Variants in MBP observed in about 807,000 individuals in gnomAD.
MBP encodes Golli-MBP.
Under a neutral mutation model 35.8 loss-of-function variants are expected in MBP, and 16 were observed. The observed-to-expected ratio is 0.45, with a 90% CI of 0.30 to 0.68. The LOEUF (loss-of-function observed/expected upper bound fraction) is 0.68. Among genes scored for constraint, MBP ranks in the 30% least tolerant of loss-of-function variants. The probability of loss-of-function intolerance (pLI) is 0.08; values close to 1 mark genes in which losing one functional copy is unlikely to be tolerated. For synonymous variants in MBP, 143 were observed against 159.6 expected (o/e 0.90, Z 0.78); for missense variants, 380 against 404.7 (o/e 0.94, Z 0.52).
In MBP at chr18:77,029,044, G is replaced by A. The variant is rs1234931191; in HGVS notation, c.140-11776C>T. On this transcript the variant is annotated intron_variant, in intron 3 of 8. Coordinates refer to ENST00000355994, the MANE Select transcript of MBP (RefSeq NM_001025101.2). ...CAGAGGCTGCAATCTCGGCACTTTG[G>A]GAGGCCAAGGCAGGCGGCTGGGAGG... is the stretch of plus-strand genomic sequence containing the variant. 5.6e-5 allele frequency among the ~76,000 whole-genome samples: 6 copies of A among 106,448 alleles called. 2 individuals carry two copies. Among genetic ancestry groups the A allele is most frequent in the African/African-American group, 1.6e-4 (6 of 37,104 alleles). The allele number at this position is 106,448 out of a possible 152,430, so 69.8% of individuals were successfully genotyped here.
chr18:77,010,822 T>C (rs765799643), intron 4 of MBP, among the ~76,000 whole-genome samples: 3 of 152,194 alleles, frequency 2.0e-5, no homozygotes, highest in Non-Finnish European at 4.4e-5. Flanking sequence ...AAGACTATTA[T>C]TATAGGACCA....
At chr18:77,085,683 GT>G (rs10645727) in intron 2 of MBP, among the ~76,000 whole-genome samples, 20,548 of 123,892 alleles carry the variant, frequency 0.17, 1,166 homozygotes, top group Middle Eastern at 0.25. Flanking sequence ...AGTGCAATAA[GT>G]TTTTTTTTTT....
At chr18:77,047,748 T>C (rs775017964) in intron 3 of MBP, among the ~76,000 whole-genome samples, 10 of 152,224 alleles carry the variant, frequency 6.6e-5, no homozygotes, top group Non-Finnish European at 1.2e-4. Flanking sequence ...CATCAGAAGA[T>C]AAAGATGGTA....
chr18:77,025,916 G>A lies in MBP; in HGVS notation c.140-8648C>T, dbSNP rs374263910. 1.3e-4 allele frequency among the ~76,000 whole-genome samples: 20 copies of A among 152,222 alleles called. No individual in the cohort carries two copies. The East Asian group carries it at 3.7e-3, about 28-fold the overall frequency. On this transcript the variant is annotated intron_variant, in intron 3 of 8. Transcript: ENST00000355994. ...CCTTTCTGGCACACGCAGGGGAGCAGTGGGCAGCGGGTTACTCCCTCTCCG... is the reference window on the plus strand; with the variant it reads ...CCTTTCTGGCACACGCAGGGGAGCAATGGGCAGCGGGTTACTCCCTCTCCG...
chr18:77,071,807 G>A (rs1369055055), intron 2 of MBP, among the ~76,000 whole-genome samples: 1 of 152,190 alleles, frequency 6.6e-6, no homozygotes, highest in Non-Finnish European at 1.5e-5. Flanking sequence ...CAGAATGTCA[G>A]ATGGCGACTG....
intron 3 of MBP, among the ~76,000 whole-genome samples, chr18:77,041,926 A>G (rs1298397822): frequency 7.9e-6 from 1 of 126,076 alleles, no homozygotes; most frequent in Non-Finnish European, 1.7e-5. Flanking sequence ...CTTAAAGTAT[A>G]ATTAAAAAAA....
chr18:77,133,311 G>C (rs2145294667), upstream of MBP, among the ~76,000 whole-genome samples: 1 of 152,260 alleles, frequency 6.6e-6, no homozygotes, highest in Middle Eastern at 3.4e-3. Context: ...CCGGCTGGCA[G>C]GTGCTCCTCT....
In MBP at chr18:77,028,643, C is replaced by A. The variant is rs1212576451; in HGVS notation, c.140-11375G>T. Among the ~76,000 whole-genome samples the A allele has an allele frequency of 4.0e-5, 3 of 74,492 alleles. 1 individual carries two copies. The highest frequency in any genetic ancestry group is 1.2e-4 in the African/African-American group (3 of 24,892). The allele number at this position is 74,492 out of a possible 152,430, so 48.9% of individuals were successfully genotyped here. On this transcript the variant is annotated intron_variant, in intron 3 of 8. Transcript: ENST00000355994. Reference sequence around the variant, plus strand: ...GGCTGACCCCCCCCCACCTCCCTCCCGGACGGGGCAGCTGGCTGGGCAGAG... The same window carrying A: ...GGCTGACCCCCCCCCACCTCCCTCCAGGACGGGGCAGCTGGCTGGGCAGAG...
intron 1 of MBP, among the ~76,000 whole-genome samples, chr18:77,106,817 G>T (rs1038060817): frequency 2.0e-5 from 3 of 152,154 alleles, no homozygotes; most frequent in Non-Finnish European, 2.9e-5. Flanking sequence ...GATGATTTCG[G>T]TGTCCAGTGT....
At chr18:77,076,403 G>C (rs1276370594) in intron 2 of MBP, among the ~76,000 whole-genome samples, 1 of 152,228 alleles carries the variant, frequency 6.6e-6, no homozygotes, top group Non-Finnish European at 1.5e-5. Context: ...AGCCCAGTAG[G>C]GCAGTTTTTC....
intron 1 of MBP, among the ~76,000 whole-genome samples, chr18:77,125,217 C>T (rs372584152): frequency 1.9e-4 from 29 of 152,302 alleles, no homozygotes; most frequent in African/African-American, 7.0e-4. Context: ...CTTTCAGATT[C>T]CTTTGTGGGG....
At chr18:76,998,603 G>C (rs1244638798) in intron 4 of MBP, among the ~76,000 whole-genome samples, 2 of 152,204 alleles carry the variant, frequency 1.3e-5, no homozygotes, top group Non-Finnish European at 2.9e-5. Flanking sequence ...TGAAGCTGCC[G>C]AGGTTCCCTT....
chr18:77,090,216 A>G (rs542399373), intron 2 of MBP, among the ~76,000 whole-genome samples: 1 of 152,320 alleles, frequency 6.6e-6, no homozygotes, highest in Admixed American at 6.5e-5. Flanking sequence ...GGTTGAGACA[A>G]ACGTGCTTTC....
At chr18:76,986,869 C>T (rs1969586870) in intron 7 of MBP, 2 of 985,394 alleles carry the variant, frequency 2.0e-6, no homozygotes, top group African/African-American at 1.7e-5. Context: ...CTTTCCAATC[C>T]TTAGTCATGT....
intron 3 of MBP, among the ~76,000 whole-genome samples, chr18:77,057,044 G>A (rs569428784): frequency 3.4e-4 from 50 of 147,398 alleles, no homozygotes; most frequent in African/African-American, 1.2e-3. Flanking sequence ...AAGGAGGCAT[G>A]TCCCCCAAGA....
At chr18:77,069,348 C>T (rs1974336459) in intron 2 of MBP, among the ~76,000 whole-genome samples, 1 of 152,200 alleles carries the variant, frequency 6.6e-6, no homozygotes, top group Non-Finnish European at 1.5e-5. Context: ...GCTAGGAATT[C>T]ATGTCATATT....
intron 3 of MBP, among the ~76,000 whole-genome samples, chr18:77,062,793 G>A (rs558144020): frequency 6.6e-6 from 1 of 152,292 alleles, no homozygotes; most frequent in East Asian, 1.9e-4. Flanking sequence ...TTCTCAATGC[G>A]CCAATCAGTC....
intron 1 of MBP, among the ~76,000 whole-genome samples, chr18:77,106,341 C>T (rs1043877606): frequency 3.3e-5 from 5 of 152,164 alleles, no homozygotes; most frequent in Admixed American, 6.5e-5. Flanking sequence ...TTACCGGGGT[C>T]CCTTTTTGGT....
upstream of MBP, among the ~76,000 whole-genome samples, chr18:77,133,082 CCTCCGAACCCACCCCGACCCCGACCTCGA>C (rs981973951): frequency 1.3e-4 from 20 of 152,092 alleles, no homozygotes; most frequent in Non-Finnish European, 2.9e-5. Context: ...GGAGGCTTGG[CCTCCGAACCCACCCCGACCCCGACCTCGA>C]CCTCGCGGGA....
Sources: allele counts gnomAD v4.1 joint callset (sites outside exome capture counted in the v4.1 genomes callset), GRCh38; gene constraint gnomAD v4.1.1; transcripts MANE v1.5; gene names NCBI Gene and HGNC (gene_info 2026-07-23, HGNC 2026-07-21).